The following KIRREL3 variants were observed in gnomAD, a reference collection of about 807,000 sequenced individuals.
KIRREL3 encodes kirre like nephrin family adhesion molecule 3.
Under a neutral mutation model 89.7 loss-of-function variants are expected in KIRREL3, and 36 were observed. The observed-to-expected ratio is 0.40, with a 90% CI of 0.31 to 0.53. The LOEUF (loss-of-function observed/expected upper bound fraction) is 0.53. KIRREL3 is among the 20% of genes least tolerant of loss of function. The probability of loss-of-function intolerance (pLI) is 0.49; values close to 1 mark genes in which losing one functional copy is unlikely to be tolerated. For synonymous variants in KIRREL3, 445 were observed against 441.4 expected, an observed-to-expected ratio of 1.01 and a Z score of -0.10; for missense variants, 864 against 1,056.6, an observed-to-expected ratio of 0.82 and a Z score of 2.53.
chr11:126,757,211 C>G (rs1048979840), intron 1 of KIRREL3, among the ~76,000 whole-genome samples: 1 of 151,704 alleles, frequency 6.6e-6, no homozygotes, highest in Non-Finnish European at 1.5e-5. Context: ...AAATTAAAAG[C>G]TGTGCTACAT....
At chr11:126,722,595 A>AAACTGAGT (rs1381055039) in intron 1 of KIRREL3, among the ~76,000 whole-genome samples, 3 of 152,280 alleles carry the variant, frequency 2.0e-5, no homozygotes, top group African/African-American at 4.8e-5. Context: ...CACAATGGCA[A>AAACTGAGT]AACTGAGTAG....
In KIRREL3 at chr11:126,612,719, C is replaced by T. The variant is rs1261941028; in HGVS notation, c.56-49807G>A. 6.6e-6 allele frequency among the ~76,000 whole-genome samples: 1 copy of T among 152,200 alleles called. No homozygotes were observed. The highest frequency in any genetic ancestry group is 1.5e-5 in the Non-Finnish European group (1 of 68,040). ...TTCTGCCTCTGTGGATTTACCTATA[C>T]TGGACACTCCTACAACATGTGGCCT... On this transcript the variant is annotated intron_variant, in intron 1 of 16. Transcript: ENST00000525144. The surrounding 1 kb of genome is among the most constrained non-coding windows in gnomAD (Gnocchi z 4.5).
rs761361929 is a variant in KIRREL3, at chr11:126,715,938, G to A, written c.56-153026C>T. Among the ~76,000 whole-genome samples the A allele has an allele frequency of 6.6e-6, 1 of 152,164 alleles. No individual in the cohort carries two copies. Among genetic ancestry groups the A allele is most frequent in the East Asian group, 1.9e-4 (1 of 5,196 alleles). ...GCTCCTCTCTGACTTAGCACAGGATGCAATTTATCTTCAGAGAGTACCCTC... is the reference window on the plus strand; with the variant it reads ...GCTCCTCTCTGACTTAGCACAGGATACAATTTATCTTCAGAGAGTACCCTC... On this transcript the variant is annotated intron_variant, in intron 1 of 16. Coordinates refer to ENST00000525144, the MANE Select transcript of KIRREL3 (RefSeq NM_032531.4). The surrounding 1 kb of genome is among the most constrained non-coding windows in gnomAD (Gnocchi z 4.4).
At chr11:126,700,853 C>A (rs887360437) in intron 1 of KIRREL3, among the ~76,000 whole-genome samples, 4 of 152,242 alleles carry the variant, frequency 2.6e-5, no homozygotes, top group Middle Eastern at 3.2e-3. Flanking sequence ...ACACCCTCCT[C>A]AGCAGTCTTG....
In KIRREL3 at chr11:126,697,121, C is replaced by A. The variant is rs1947129958; in HGVS notation, c.56-134209G>T. Among the ~76,000 whole-genome samples the A allele has an allele frequency of 6.6e-6, 1 of 152,230 alleles. No individual in the cohort carries two copies. On this transcript the variant is annotated intron_variant, in intron 1 of 16. Transcript: ENST00000525144. The surrounding 1 kb of genome is among the most constrained non-coding windows in gnomAD (Gnocchi z 4.2). ...CTGCGGCTTAGCATGTTCCCCTCAG[C>A]CTCCTTGCAAATGAAGGCTTAGTCA...
chr11:126,590,983 G>T (rs1591788011), intron 1 of KIRREL3, among the ~76,000 whole-genome samples: 1 of 152,210 alleles, frequency 6.6e-6, no homozygotes, highest in East Asian at 1.9e-4. Flanking sequence ...AGCACTTTGG[G>T]AGGCCGCTGA....
rs1431907393 is a variant in KIRREL3, at chr11:126,742,059, T to C, written c.56-179147A>G. On this transcript the variant is annotated intron_variant, in intron 1 of 16. Transcript: ENST00000525144. The surrounding 1 kb of genome is among the most constrained non-coding windows in gnomAD (Gnocchi z 5.3). ...AGAAGGGAGAACTATTTAGAACACA[T>C]GTGAAACTCTATTTACACCAAGCTT... Among the ~76,000 whole-genome samples the C allele has an allele frequency of 2.0e-5, 3 of 152,234 alleles. No homozygotes were observed. Among genetic ancestry groups the C allele is most frequent in the Non-Finnish European group, 4.4e-5 (3 of 68,038 alleles).
At chr11:126,839,048 C>T (rs188103560) in intron 1 of KIRREL3, among the ~76,000 whole-genome samples, 318 of 152,270 alleles carry the variant, frequency 2.1e-3, no homozygotes, top group Admixed American at 4.1e-3. Context: ...TTCTTCTGTA[C>T]GGGTCAGGGT....
rs73024534 is a variant in KIRREL3 at position 126,807,710 on chromosome 11, C to T, written c.55+192745G>A. Among the ~76,000 whole-genome samples the T allele has an allele frequency of 2.4e-3, 360 of 152,244 alleles. No individual in the cohort carries two copies. The highest frequency in any genetic ancestry group is 3.6e-3 in the Non-Finnish European group (247 of 68,004). ...GGATTTTGAAAAATCGTCCTTTAACCCATTTCTAGGAGGCTTCTGAGATTC... is the reference window on the plus strand; with the variant it reads ...GGATTTTGAAAAATCGTCCTTTAACTCATTTCTAGGAGGCTTCTGAGATTC... On this transcript the variant is annotated intron_variant, in intron 1 of 16. Coordinates refer to ENST00000525144, the MANE Select transcript of KIRREL3 (RefSeq NM_032531.4). This position sits in a 1 kb window ranked among gnomAD's most constrained non-coding sequence, Gnocchi z 4.3.
chr11:126,632,105 G>A (rs1227093360), intron 1 of KIRREL3, among the ~76,000 whole-genome samples: 2 of 152,234 alleles, frequency 1.3e-5, no homozygotes, highest in African/African-American at 4.8e-5. Context: ...TACTGATTCA[G>A]GAGGTCTGGG....
chr11:126,777,238 C>T (rs1468945875), intron 1 of KIRREL3, among the ~76,000 whole-genome samples: 2 of 152,184 alleles, frequency 1.3e-5, no homozygotes, highest in African/African-American at 4.8e-5. Context: ...AGACATCCTA[C>T]AATGCACAGC....
chr11:126,786,517 A>G (rs577451937), intron 1 of KIRREL3, among the ~76,000 whole-genome samples: 1 of 152,388 alleles, frequency 6.6e-6, no homozygotes, highest in South Asian at 2.1e-4. Context: ...TAATAAAATA[A>G]CCTTCATAAA....
In KIRREL3 at chr11:126,709,250, C is replaced by T. The variant is rs921694420; in HGVS notation, c.56-146338G>A. Among the ~76,000 whole-genome samples, 3 of 152,174 alleles carry T rather than the reference C, an allele frequency of 2.0e-5. No homozygotes were observed. The highest frequency in any genetic ancestry group is 7.2e-5 in the African/African-American group (3 of 41,440). Reference sequence around the variant, plus strand: ...CTCTTCCTGGCATTCAGAACTCGCCCCAAAATATGGCTGCCTTGACTAGTT... The same window carrying T: ...CTCTTCCTGGCATTCAGAACTCGCCTCAAAATATGGCTGCCTTGACTAGTT... On this transcript the variant is annotated intron_variant, in intron 1 of 16. Coordinates refer to ENST00000525144, the MANE Select transcript of KIRREL3 (RefSeq NM_032531.4). The surrounding 1 kb of genome is among the most constrained non-coding windows in gnomAD (Gnocchi z 4.0).
chr11:126,960,163 A>C (rs1349298637), intron 1 of KIRREL3, among the ~76,000 whole-genome samples: 1 of 152,178 alleles, frequency 6.6e-6, no homozygotes, highest in Admixed American at 6.5e-5. Context: ...CTGACGCAGG[A>C]GACAAGAAAC....
Position 126,844,358 on chromosome 11 carries a change from C to T in KIRREL3, c.55+156097G>A, listed in dbSNP as rs947391831. Among the ~76,000 whole-genome samples, 1 of 152,150 alleles carries T rather than the reference C, an allele frequency of 6.6e-6. No homozygotes were observed. The highest frequency in any genetic ancestry group is 1.5e-5 in the Non-Finnish European group (1 of 68,018). ...GGAAACCCCAGACCCAAAGGCTAAC[C>T]TTGGGTAAGCAGTGTGGTGTGGTAA... is the stretch of plus-strand genomic sequence containing the variant. On this transcript the variant is annotated intron_variant, in intron 1 of 16. Transcript: ENST00000525144. The surrounding 1 kb of genome is among the most constrained non-coding windows in gnomAD (Gnocchi z 4.8).
In KIRREL3 at chr11:126,579,266, C is replaced by T. The variant is rs911541360; in HGVS notation, c.56-16354G>A. ...TGTGGGAGGGTAGTTAGTTCCCAAA[C>T]GCAGGTGAGTATAAAATCCAATTTC... is the stretch of plus-strand genomic sequence containing the variant. On this transcript the variant is annotated intron_variant, in intron 1 of 16. Transcript: ENST00000525144. This position sits in a 1 kb window ranked among gnomAD's most constrained non-coding sequence, Gnocchi z 5.3. Among the ~76,000 whole-genome samples, 1 of 152,202 alleles carries T rather than the reference C, an allele frequency of 6.6e-6. No homozygotes were observed. The highest frequency in any genetic ancestry group is 2.1e-4 in the South Asian group (1 of 4,808).
intron 1 of KIRREL3, among the ~76,000 whole-genome samples, chr11:126,967,242 T>A (rs1949297733): frequency 6.6e-6 from 1 of 152,160 alleles, no homozygotes; most frequent in Non-Finnish European, 1.5e-5. Context: ...TATTAGCTTT[T>A]CTTCAGCAAT....
chr11:126,886,685 G>C (rs538680613), intron 1 of KIRREL3, among the ~76,000 whole-genome samples: 1 of 152,160 alleles, frequency 6.6e-6, no homozygotes, highest in Non-Finnish European at 1.5e-5. Flanking sequence ...TTGGGATGGA[G>C]AGCCAAGCTC....
chr11:126,973,619 C>T (rs1036717570), intron 1 of KIRREL3, among the ~76,000 whole-genome samples: 2 of 152,216 alleles, frequency 1.3e-5, no homozygotes, highest in African/African-American at 2.4e-5. Flanking sequence ...GAAAACTCAA[C>T]TTCAGAACTT....
Sources: gnomAD v4.1 joint callset for allele counts (sites outside exome capture counted in the v4.1 genomes callset) on GRCh38, gnomAD v4.1.1 for gene constraint, Gnocchi (gnomAD v3.1) non-coding constraint, MANE v1.5 for transcripts, NCBI Gene and HGNC (gene_info 2026-07-23, HGNC 2026-07-21) for gene names.